TSPAN9: variants seen among roughly 807,000 people sequenced by gnomAD.
TSPAN9 encodes the protein tetraspanin 9.
Under a neutral mutation model 31.0 loss-of-function variants are expected in TSPAN9, and 16 were observed. The observed-to-expected ratio is 0.52, with a 90% CI of 0.35 to 0.78. TSPAN9 has a LOEUF of 0.78. Ranked by LOEUF, TSPAN9 falls within the 30% of genes least tolerant of loss-of-function variation. The pLI is 0.01. For missense variants in TSPAN9, 272 were observed against 312.5 expected (o/e 0.87, Z 0.98); for synonymous variants, 145 against 121.6 (o/e 1.19, Z -1.27).
intron 2 of TSPAN9, among the ~76,000 whole-genome samples, chr12:3,133,308 G>C (rs1224253759): frequency 6.6e-6 from 1 of 152,106 alleles, no homozygotes; most frequent in East Asian, 1.9e-4. Flanking sequence ...CTTCCTACAA[G>C]TACACAGTTT....
intron 2 of TSPAN9, among the ~76,000 whole-genome samples, chr12:3,086,123 A>G (rs2098300320): frequency 6.6e-6 from 1 of 152,208 alleles, no homozygotes; most frequent in Admixed American, 6.5e-5. Context: ...GCCACAGCAT[A>G]ACGAAATGAG....
At chr12:3,205,616 G>T (rs1035382917) in intron 3 of TSPAN9, among the ~76,000 whole-genome samples, 10 of 152,124 alleles carry the variant, frequency 6.6e-5, no homozygotes, top group African/African-American at 2.2e-4. Flanking sequence ...GTAGTGAGTG[G>T]GCTCAAGGGT....
chr12:3,185,109 T>C (rs2098360493), intron 2 of TSPAN9, among the ~76,000 whole-genome samples: 1 of 152,200 alleles, frequency 6.6e-6, no homozygotes, highest in Non-Finnish European at 1.5e-5. Flanking sequence ...TCCATCATGT[T>C]TGGTTTCAGC....
intron 2 of TSPAN9, among the ~76,000 whole-genome samples, chr12:3,142,577 TC>T (rs1231906565): frequency 1.3e-5 from 2 of 152,226 alleles, no homozygotes; most frequent in African/African-American, 4.8e-5. Flanking sequence ...GAAAATCCGA[TC>T]CGAGGCTCAG....
At chr12:3,158,088 C>T (rs1036442920) in intron 2 of TSPAN9, among the ~76,000 whole-genome samples, 8 of 152,184 alleles carry the variant, frequency 5.3e-5, no homozygotes, top group South Asian at 2.1e-4. Flanking sequence ...TCAGTGCCTG[C>T]GGGGTTTCCT....
Position 3,281,800 on chromosome 12 carries a change from T to G in TSPAN9, c.631T>G (p.Cys211Gly), listed in dbSNP as rs756975005. 1.1e-5 allele frequency: 18 copies of G among 1,614,034 alleles called. No homozygotes were observed. The African/African-American group carries it at 2.1e-4, about 19-fold the overall frequency. The change falls in exon 8 of 9, where the codon TGC becomes GGC. Residue 211 changes from cysteine to glycine, a missense_variant. Cys to Gly is a radical substitution (Grantham distance 159). Transcript: ENST00000011898. Reference protein sequence around the residue: ...NKHVLGTVGMCILIMQILGMA... With the variant: ...NKHVLGTVGMGILIMQILGMA... ...GCACGTGCTGGGCACGGTGGGGATG[T>G]GCATCCTCATCATGCAGGTAAGAGG...
chr12:3,162,652 G>T (rs551934394), intron 2 of TSPAN9, among the ~76,000 whole-genome samples: 6 of 151,898 alleles, frequency 4.0e-5, no homozygotes, highest in Admixed American at 1.3e-4. Context: ...CAGCTTTTTG[G>T]CTCCTTTAAT....
chr12:3,175,442 G>GC (rs2098355013), intron 2 of TSPAN9, among the ~76,000 whole-genome samples: 1 of 152,222 alleles, frequency 6.6e-6, no homozygotes, highest in South Asian at 2.1e-4. Flanking sequence ...ATAGAGAGCT[G>GC]CAGACACCAG....
chr12:3,229,521 C>G (rs1228116027), intron 3 of TSPAN9, among the ~76,000 whole-genome samples: 2 of 152,244 alleles, frequency 1.3e-5, no homozygotes, highest in African/African-American at 4.8e-5. Flanking sequence ...TTCCCCTTGC[C>G]TCTGGCCTGG....
intron 2 of TSPAN9, among the ~76,000 whole-genome samples, chr12:3,199,371 G>T (rs762073998): frequency 6.6e-6 from 1 of 152,222 alleles, no homozygotes; most frequent in Admixed American, 6.5e-5. Context: ...CTCCCCACCC[G>T]CAAGTCTTCT....
At chr12:3,242,363 C>T (rs917817807) in intron 3 of TSPAN9, among the ~76,000 whole-genome samples, 5 of 152,228 alleles carry the variant, frequency 3.3e-5, no homozygotes, top group Admixed American at 2.0e-4. Flanking sequence ...TGCCCGATGC[C>T]TGGAGCCCTG....
At chr12:3,278,710 T>A in intron 4 of TSPAN9, 98 bp downstream of exon 4, 3 of 1,478,872 alleles carry the variant, frequency 2.0e-6, no homozygotes, top group Non-Finnish European at 2.7e-6. Context: ...CACCTGGGTG[T>A]CCAACCTGAG....
At chr12:3,151,709 C>T (rs925432371) in intron 2 of TSPAN9, among the ~76,000 whole-genome samples, 4 of 152,140 alleles carry the variant, frequency 2.6e-5, no homozygotes, top group Non-Finnish European at 5.9e-5. Context: ...CAGCCTCCAA[C>T]GTGAAATGTC....
At chr12:3,140,975 T>A (rs1218591621) in intron 2 of TSPAN9, among the ~76,000 whole-genome samples, 1 of 112,318 alleles carries the variant, frequency 8.9e-6, no homozygotes, top group East Asian at 2.5e-4. Context: ...GAAGGCTGGG[T>A]GGGGAAGGGC....
intron 2 of TSPAN9, among the ~76,000 whole-genome samples, chr12:3,103,193 A>G (rs906584261): frequency 1.3e-5 from 2 of 152,178 alleles, no homozygotes; most frequent in African/African-American, 4.8e-5. Flanking sequence ...CCTGTTCTCT[A>G]TTCCCCTTGG....
intron 3 of TSPAN9, among the ~76,000 whole-genome samples, chr12:3,272,354 C>T (rs771417499): frequency 1.1e-4 from 16 of 152,182 alleles, no homozygotes; most frequent in Admixed American, 3.3e-4. Context: ...ATGGCCCACT[C>T]AGGCCCCTCC....
intron 2 of TSPAN9, among the ~76,000 whole-genome samples, chr12:3,185,862 C>T (rs1190437852): frequency 1.3e-5 from 2 of 152,168 alleles, no homozygotes; most frequent in Non-Finnish European, 2.9e-5. Context: ...AGAGGGGAAG[C>T]AAAGGGCTTG....
At chr12:3,246,924 T>C (rs1391366470) in intron 3 of TSPAN9, among the ~76,000 whole-genome samples, 1 of 152,144 alleles carries the variant, frequency 6.6e-6, no homozygotes, top group Admixed American at 6.5e-5. Context: ...AGTGGCGTCC[T>C]GGGTGAAGTG....
In TSPAN9 at chr12:3,268,777, T is replaced by C. The variant is rs867794031; in HGVS notation, c.64-9644T>C. On this transcript the variant is annotated intron_variant, in intron 3 of 8. Transcript: ENST00000011898. ...CCGTGCGTTTCTGCAGCCTGCCCTC[T>C]CTGTGTTCCTGCAGCCTGCCCTCTC... Among the ~76,000 whole-genome samples, 227 of 59,404 alleles carry C rather than the reference T, an allele frequency of 3.8e-3. 2 individuals carry two copies. Among genetic ancestry groups the C allele is most frequent in the African/African-American group, 9.8e-3 (177 of 18,134 alleles). The allele number at this position is 59,404 out of a possible 152,430, so 39.0% of individuals were successfully genotyped here.
Sources: gnomAD v4.1 joint callset for allele counts (sites outside exome capture counted in the v4.1 genomes callset) on GRCh38, gnomAD v4.1.1 for gene constraint, MANE v1.5 for transcripts, NCBI Gene and HGNC (gene_info 2026-07-23, HGNC 2026-07-21) for gene names.